Variants in TCF25 observed in about 807,000 individuals in gnomAD.
The protein encoded by TCF25 is ribosome quality control complex subunit TCF25.
Under a neutral mutation model 83.1 loss-of-function variants are expected in TCF25, and 41 were observed. That is an observed-to-expected ratio of 0.49 (90% CI 0.38 to 0.64). The LOEUF (loss-of-function observed/expected upper bound fraction) is 0.64. TCF25 is among the 30% of genes least tolerant of loss of function. The pLI, the probability that TCF25 is intolerant of heterozygous loss-of-function variation, is 0.00. For missense variants in TCF25, 979 were observed against 914.5 expected, an observed-to-expected ratio of 1.07 and a Z score of -0.91; for synonymous variants, 458 against 365.0, an observed-to-expected ratio of 1.25 and a Z score of -2.90.
intron 8 of TCF25, 23 bp from the exon 9 acceptor site, chr16:89,895,967 C>A (rs1477197697): frequency 6.2e-7 from 1 of 1,609,020 alleles, no homozygotes; most frequent in South Asian, 1.1e-5. Flanking sequence ...TGACACCCTC[C>A]CCTGGCGTCC....
At chr16:89,898,897 C>A in intron 11 of TCF25, 25 bp downstream of exon 11, 1 of 1,602,574 alleles carries the variant, frequency 6.2e-7, no homozygotes, top group South Asian at 1.1e-5. Context: ...GGTGAGGCCC[C>A]GTGGAGGGAC....
Position 89,884,584 on chromosome 16 carries a change from T to C in TCF25, c.357T>C (p.Ser119=). 1 of 1,613,710 alleles carries C rather than the reference T, an allele frequency of 6.2e-7. No individual in the cohort carries two copies. The highest frequency in any genetic ancestry group is 8.5e-7 in the Non-Finnish European group (1 of 1,179,810). The change falls in exon 3 of 18, where the codon TCT becomes TCC. Residue 119 remains serine, a splice_region_variant and synonymous_variant. Transcript: ENST00000263346. ...DDTETVPSEQ[S]HASGKLRKKK... ...TGAAAATGTGTTTCTATCATTAGTCTCATGCAAGTGGCAAACTCCGGAAGA... is the reference window on the plus strand; with the variant it reads ...TGAAAATGTGTTTCTATCATTAGTCCCATGCAAGTGGCAAACTCCGGAAGA...
intron 2 of TCF25, chr16:89,883,728 C>T (rs1387028965): frequency 3.6e-6 from 2 of 561,302 alleles, no homozygotes; most frequent in Non-Finnish European, 6.3e-6. Flanking sequence ...TCAGGAGAGT[C>T]TGCGCCTGCC....
At chr16:89,875,051 G>A (rs1242299166) in intron 1 of TCF25, among the ~76,000 whole-genome samples, 1 of 152,202 alleles carries the variant, frequency 6.6e-6, no homozygotes, top group Non-Finnish European at 1.5e-5. Context: ...CCAGGCTGGA[G>A]TGCATTGGCA....
At chr16:89,890,807 A>T (rs1240372845) in intron 5 of TCF25, among the ~76,000 whole-genome samples, 1 of 152,154 alleles carries the variant, frequency 6.6e-6, no homozygotes, top group Non-Finnish European at 1.5e-5. Context: ...ACTCGTAGTA[A>T]TTAGTTGACA....
chr16:89,889,290 A>G (rs773872210), intron 5 of TCF25: 2 of 375,918 alleles, frequency 5.3e-6, no homozygotes, highest in South Asian at 2.1e-5. Flanking sequence ...TGATCCTCCC[A>G]TCTCAGTCTC....
At chr16:89,883,139 T>G (rs926055488) in intron 1 of TCF25, among the ~76,000 whole-genome samples, 1 of 151,094 alleles carries the variant, frequency 6.6e-6, no homozygotes, top group African/African-American at 2.4e-5. Flanking sequence ...GGCCCCGGCT[T>G]TCTGTAGAGC....
chr16:89,902,027 C>CT (rs1694200286), intron 12 of TCF25, among the ~76,000 whole-genome samples: 1 of 12,488 alleles, frequency 8.0e-5, no homozygotes. Flanking sequence ...ACCATCCTGA[C>CT]TAACACGGTG....
In TCF25 at chr16:89,904,212, AGTGGC is replaced by A. The variant is rs1307002268; in HGVS notation, c.1469+8_1469+12del. On this transcript the variant is annotated splice_region_variant and intron_variant, in intron 13 of 17. Coordinates refer to ENST00000263346, the MANE Select transcript of TCF25 (RefSeq NM_014972.3). ...GACCCAATGCTGAAATAAGGTAAAGAGTGGCTGGTGGTGCCCATCTGTGGGTGCCT... is the reference window on the plus strand; with the variant it reads ...GACCCAATGCTGAAATAAGGTAAAGATGGTGGTGCCCATCTGTGGGTGCCT... The A allele has an allele frequency of 6.4e-7, 1 of 1,560,572 alleles. No individual in the cohort carries two copies. Among genetic ancestry groups the A allele is most frequent in the African/African-American group, 1.4e-5 (1 of 73,384 alleles).
intron 16 of TCF25, chr16:89,908,870 G>T: frequency 8.1e-7 from 1 of 1,228,942 alleles, no homozygotes; most frequent in East Asian, 5.7e-5. Context: ...GCAGCTCTGA[G>T]GTCAGGGCTT....
At chr16:89,910,937 C>G in intron 17 of TCF25, 143 bp from the exon 18 acceptor site, 1 of 1,210,396 alleles carries the variant, frequency 8.3e-7, no homozygotes, top group South Asian at 1.5e-5. Context: ...TGAGAGCTTC[C>G]TCCTCACAGG....
intron 1 of TCF25, among the ~76,000 whole-genome samples, chr16:89,877,049 C>A (rs2042248956): frequency 6.6e-6 from 1 of 151,046 alleles, no homozygotes; most frequent in Non-Finnish European, 1.5e-5. Context: ...TTGCAATGAA[C>A]TGAGATTGTG....
intron 16 of TCF25, 60 bp from the exon 17 acceptor site, chr16:89,910,531 G>C: frequency 2.5e-6 from 4 of 1,581,058 alleles, no homozygotes; most frequent in Non-Finnish European, 2.6e-6. Flanking sequence ...CCGTGAGCCG[G>C]GTTGGGTCCC....
chr16:89,897,825 A>C, intron 9 of TCF25, among the ~76,000 whole-genome samples: 1 of 108,732 alleles, frequency 9.2e-6, no homozygotes, highest in Non-Finnish European at 2.2e-5. Context: ...AAAACAAGAT[A>C]AAGATTTCAG....
At chr16:89,910,341 C>T (rs1168991920) in intron 16 of TCF25, 13 of 552,802 alleles carry the variant, frequency 2.4e-5, no homozygotes, top group Admixed American at 2.0e-4. Context: ...CCGGACGCCA[C>T]GCCTGCCTCA....
At chr16:89,910,298 G>A (rs1349430336) in intron 16 of TCF25, 4 of 506,674 alleles carry the variant, frequency 7.9e-6, no homozygotes, top group Non-Finnish European at 1.4e-5. Flanking sequence ...AGGCACCTGT[G>A]CAGTGGCCGA....
chr16:89,905,119 C>A, intron 14 of TCF25, 23 bp downstream of exon 14: 1 of 1,544,666 alleles, frequency 6.5e-7, no homozygotes. Flanking sequence ...TTGACACAAG[C>A]CCTGCCACGC....
intron 5 of TCF25, among the ~76,000 whole-genome samples, chr16:89,891,401 G>T (rs772918508): frequency 6.6e-6 from 1 of 152,244 alleles, no homozygotes; most frequent in Non-Finnish European, 1.5e-5. Context: ...TGGCTGAACT[G>T]TGGGGAGCCC....
intron 5 of TCF25, among the ~76,000 whole-genome samples, chr16:89,891,435 G>A (rs942154082): frequency 6.6e-6 from 1 of 152,228 alleles, no homozygotes; most frequent in African/African-American, 2.4e-5. Context: ...GGATGGCCCC[G>A]TGGGAAGGGA....
Sources: gnomAD v4.1 joint callset for allele counts (sites outside exome capture counted in the v4.1 genomes callset) on GRCh38, gnomAD v4.1.1 for gene constraint, MANE v1.5 for transcripts, NCBI Gene and HGNC (gene_info 2026-07-23, HGNC 2026-07-21) for gene names.